The following KCNN2 variants were observed in gnomAD, a reference collection of about 807,000 sequenced individuals.
KCNN2 encodes small conductance calcium-activated potassium channel protein 2.
A neutral mutation model predicts 55.5 loss-of-function variants in KCNN2; 24 were observed. The ratio of observed to expected loss-of-function variants is 0.43; its 90% CI spans 0.31 to 0.61. The LOEUF (loss-of-function observed/expected upper bound fraction) is 0.61, where lower values mean the gene tolerates loss of function less well. Among genes scored for constraint, KCNN2 ranks in the 20% least tolerant of loss-of-function variants. KCNN2 has a pLI of 0.08. For synonymous variants in KCNN2, 431 were observed against 336.1 expected (o/e 1.28, Z -3.09); for missense variants, 754 against 853.6 (o/e 0.88, Z 1.45).
intron 1 of KCNN2, among the ~76,000 whole-genome samples, chr5:114,072,352 C>T (rs1162255323): frequency 6.6e-6 from 1 of 152,006 alleles, no homozygotes; most frequent in African/African-American, 2.4e-5. Context: ...CTCTTTTGCC[C>T]TTCCACCTTG....
At position 114,326,856 on chromosome 5, in the gene KCNN2, C is replaced by T. The variant is rs1327165261; in HGVS notation, c.-184-34089C>T. ...GCAGCCATTTTTCAGGGATACACCA[C>T]ATTCTGTTCTGTTGCTGCTAATAGT... On this transcript the variant is annotated intron_variant, in intron 2 of 10. Coordinates refer to the KCNN2 transcript ENST00000512097. Among the ~76,000 whole-genome samples, 3 of 152,166 alleles carry T rather than the reference C, an allele frequency of 2.0e-5. No homozygotes were observed. The East Asian group carries it at 5.8e-4, about 29-fold the overall frequency.
At chr5:114,366,732 C>T (rs937013461) in intron 2 of KCNN2, among the ~76,000 whole-genome samples, 1 of 152,160 alleles carries the variant, frequency 6.6e-6, no homozygotes, top group African/African-American at 2.4e-5. Flanking sequence ...ATTGATGTCA[C>T]TGCTGTGGGT....
intron 3 of KCNN2, among the ~76,000 whole-genome samples, chr5:114,418,140 C>T (rs1449136025): frequency 1.3e-5 from 2 of 152,158 alleles, no homozygotes; most frequent in Non-Finnish European, 2.9e-5. Flanking sequence ...GAATATTATA[C>T]ATTAAGTGTG....
At chr5:114,250,971 A>G (rs932685101) in intron 2 of KCNN2, among the ~76,000 whole-genome samples, 1 of 152,214 alleles carries the variant, frequency 6.6e-6, no homozygotes, top group Non-Finnish European at 1.5e-5. Context: ...ATGTGGTTTG[A>G]TTGGCAAGCT....
intron 1 of KCNN2, among the ~76,000 whole-genome samples, chr5:114,089,348 A>G (rs561979162): frequency 4.6e-5 from 7 of 152,166 alleles, no homozygotes; most frequent in Non-Finnish European, 8.8e-5. Context: ...GCTTAGTCCT[A>G]TTCCTAAGAT....
chr5:114,308,241 G>A (rs1040428389), intron 2 of KCNN2, among the ~76,000 whole-genome samples: 23 of 152,118 alleles, frequency 1.5e-4, no homozygotes, highest in Non-Finnish European at 2.9e-4. Context: ...AGGGGATCTA[G>A]CTCCAAAAGC....
intron 2 of KCNN2, among the ~76,000 whole-genome samples, chr5:114,240,127 T>C (rs1754588549): frequency 6.6e-6 from 1 of 152,078 alleles, no homozygotes; most frequent in African/African-American, 2.4e-5. Flanking sequence ...TTAAATAAAA[T>C]GTTGGCTAAT....
intron 1 of KCNN2, among the ~76,000 whole-genome samples, chr5:114,088,007 G>C (rs530166795): frequency 5.3e-5 from 8 of 152,060 alleles, no homozygotes; most frequent in Non-Finnish European, 8.8e-5. Flanking sequence ...GATTCTATCT[G>C]ATATTTTTCT....
At chr5:114,226,800 C>G (rs1754245189) in intron 2 of KCNN2, among the ~76,000 whole-genome samples, 1 of 149,600 alleles carries the variant, frequency 6.7e-6, no homozygotes, top group Non-Finnish European at 1.5e-5. Context: ...ACTTGGGAGG[C>G]TGAGGCAGGA....
chr5:114,291,332 C>G (rs981241900), intron 2 of KCNN2, among the ~76,000 whole-genome samples: 1 of 152,036 alleles, frequency 6.6e-6, no homozygotes, highest in Non-Finnish European at 1.5e-5. Flanking sequence ...AATGCTATCC[C>G]TCCCCCCTCT....
rs577499396 is a variant in KCNN2 at position 114,114,293 on chromosome 5, A to G, written c.-271+57793A>G. On this transcript the variant is annotated intron_variant, in intron 1 of 10. Transcript: ENST00000512097. ...TCCCAGGCTGTAATGCAGTGCTGCA[A>G]TCATAGCTCACTGTAACCATGAACT... 4.6e-5 allele frequency among the ~76,000 whole-genome samples: 7 copies of G among 152,256 alleles called. No individual in the cohort carries two copies. The South Asian group carries it at 1.0e-3, about 23-fold the overall frequency.
intron 1 of KCNN2, among the ~76,000 whole-genome samples, chr5:114,102,835 T>C (rs1433779525): frequency 1.3e-5 from 2 of 152,220 alleles, no homozygotes; most frequent in Admixed American, 1.3e-4. Context: ...CTTTGGTTAC[T>C]GTAGCCTTGT....
intron 1 of KCNN2, among the ~76,000 whole-genome samples, chr5:114,103,055 C>G (rs1250888909): frequency 1.3e-5 from 2 of 152,120 alleles, no homozygotes; most frequent in African/African-American, 4.8e-5. Flanking sequence ...GATATTGATT[C>G]TTTCTATCCA....
chr5:114,462,076 G>C (rs1761228290), intron 3 of KCNN2, among the ~76,000 whole-genome samples: 1 of 152,152 alleles, frequency 6.6e-6, no homozygotes. Context: ...AACCAGAGCA[G>C]GGCCTCTCTG....
At chr5:114,454,365 G>A (rs1045536601) in intron 3 of KCNN2, among the ~76,000 whole-genome samples, 3 of 151,786 alleles carry the variant, frequency 2.0e-5, no homozygotes, top group East Asian at 1.9e-4. Context: ...CCATTCTCTC[G>A]TATTAAGAGT....
chr5:114,253,101 C>G (rs911702687), intron 2 of KCNN2, among the ~76,000 whole-genome samples: 1 of 147,336 alleles, frequency 6.8e-6, no homozygotes, highest in African/African-American at 2.5e-5. Flanking sequence ...CATTTTTGCT[C>G]TTAGTAGAGG....
chr5:114,490,737 A>G (rs1747804523), intron 6 of KCNN2: 1 of 397,988 alleles, frequency 2.5e-6, no homozygotes, highest in Non-Finnish European at 4.4e-6. Flanking sequence ...CATTTGCAGA[A>G]TTTTCTACTG....
chr5:114,440,878 A>G (rs1760180875), intron 3 of KCNN2, among the ~76,000 whole-genome samples: 1 of 151,602 alleles, frequency 6.6e-6, no homozygotes, highest in Non-Finnish European at 1.5e-5. Context: ...GATAGCTAAA[A>G]CCCACAGATG....
intron 1 of KCNN2, among the ~76,000 whole-genome samples, chr5:114,154,478 A>G (rs1294249362): frequency 6.6e-6 from 1 of 152,262 alleles, no homozygotes; most frequent in Non-Finnish European, 1.5e-5. Context: ...GATTGATTTT[A>G]TTACCTACTC....
Sources: gnomAD v4.1 joint callset for allele counts (sites outside exome capture counted in the v4.1 genomes callset) on GRCh38, gnomAD v4.1.1 for gene constraint, MANE v1.5 for transcripts, NCBI Gene and HGNC (gene_info 2026-07-23, HGNC 2026-07-21) for gene names.